Variants in SNX13 observed in about 807,000 individuals in gnomAD.
SNX13 encodes sorting nexin-13.
In SNX13, 45 loss-of-function variants were observed where a neutral mutation model predicts 133.6. The observed-to-expected ratio is 0.34, with a 90% CI of 0.27 to 0.43. The LOEUF (loss-of-function observed/expected upper bound fraction) is 0.43. SNX13 is among the 20% of genes least tolerant of loss of function. SNX13 has a pLI of 1.00. For synonymous variants in SNX13, 414 were observed against 373.9 expected (o/e 1.11, Z -1.24); for missense variants, 1,032 against 1,145.1 (o/e 0.90, Z 1.43).
chr7:17,858,137 C>A (rs918473033), intron 9 of SNX13, among the ~76,000 whole-genome samples: 2 of 152,060 alleles, frequency 1.3e-5, no homozygotes, highest in Admixed American at 1.3e-4. Context: ...ATGCCTACTC[C>A]TACAAATTTT....
intron 1 of SNX13, among the ~76,000 whole-genome samples, chr7:17,921,685 C>A (rs1554276911): frequency 6.6e-6 from 1 of 152,202 alleles, no homozygotes; most frequent in Non-Finnish European, 1.5e-5. Context: ...TAAAATCCCA[C>A]TACCCAGCTT....
At chr7:17,868,904 T>G (rs1441620897) in intron 8 of SNX13, among the ~76,000 whole-genome samples, 1 of 152,110 alleles carries the variant, frequency 6.6e-6, no homozygotes, top group East Asian at 1.9e-4. Context: ...AAACGGCAAC[T>G]ACAGTACATT....
chr7:17,837,206 G>T (rs79837959), intron 13 of SNX13, among the ~76,000 whole-genome samples: 221 of 152,056 alleles, frequency 1.5e-3, no homozygotes, highest in African/African-American at 5.3e-3. Flanking sequence ...TATGATCACG[G>T]TTCACTGCAG....
At chr7:17,845,731 T>C (rs1259183936) in intron 11 of SNX13, 37 bp from the exon 12 acceptor site, 2 of 1,341,640 alleles carry the variant, frequency 1.5e-6, no homozygotes, top group African/African-American at 1.5e-5. Flanking sequence ...ATATTTTATC[T>C]AATCATTCAT....
chr7:17,816,312 T>C (rs909380945), intron 18 of SNX13, 23 bp from the exon 19 acceptor site: 25 of 1,519,878 alleles, frequency 1.6e-5, no homozygotes, highest in African/African-American at 5.6e-5. Flanking sequence ...ATACATTCAA[T>C]AGCACTTTTT....
At chr7:17,827,551 T>A (rs1265689979) in intron 16 of SNX13, among the ~76,000 whole-genome samples, 1 of 151,944 alleles carries the variant, frequency 6.6e-6, no homozygotes, top group Non-Finnish European at 1.5e-5. Flanking sequence ...AGAAGCAAAA[T>A]GTGATAATTC....
chr7:17,803,664 C>T (rs1784876389), intron 20 of SNX13, 84 bp from the exon 21 acceptor site: 7 of 1,203,306 alleles, frequency 5.8e-6, no homozygotes, highest in Non-Finnish European at 8.0e-6. Flanking sequence ...ATATAGAGTG[C>T]AACACTGGAA....
At chr7:17,818,235 C>T (rs1461340705) in intron 18 of SNX13, among the ~76,000 whole-genome samples, 1 of 152,096 alleles carries the variant, frequency 6.6e-6, no homozygotes, top group Non-Finnish European at 1.5e-5. Flanking sequence ...TTGGGCCACC[C>T]GGTTGGTGGC....
intron 24 of SNX13, among the ~76,000 whole-genome samples, chr7:17,797,984 A>G (rs1320569371): frequency 6.6e-6 from 1 of 151,930 alleles, no homozygotes; most frequent in Non-Finnish European, 1.5e-5. Context: ...GCATACATAA[A>G]GTACTGTGCA....
In SNX13 at chr7:17,793,021, T is replaced by C. The variant is rs541992093; in HGVS notation, c.*1024A>G. On this transcript the variant is annotated 3_prime_UTR_variant, in exon 26 of 26. Transcript: ENST00000428135. ...ATCATTTATTTTCATATATGTACAC[T>C]GTCATAGAATTAGGAATCTGTATGT... The C allele has an allele frequency of 5.2e-5, 8 of 152,388 alleles. No individual in the cohort carries two copies. In the East Asian group the frequency reaches 1.4e-3, roughly 26 times the overall value. The allele number at this position is 152,388 out of a possible 1,614,324, so 9.4% of individuals were successfully genotyped here.
intron 20 of SNX13, among the ~76,000 whole-genome samples, chr7:17,806,832 C>T (rs1289444178): frequency 2.6e-5 from 4 of 152,170 alleles, no homozygotes; most frequent in African/African-American, 4.8e-5. Flanking sequence ...TGGGGCGTCG[C>T]GTCACGCGGG....
At chr7:17,854,278 G>T (rs1791611753) in intron 9 of SNX13, among the ~76,000 whole-genome samples, 1 of 152,210 alleles carries the variant, frequency 6.6e-6, no homozygotes, top group African/African-American at 2.4e-5. Flanking sequence ...TTCATATGAG[G>T]TGATAAAGTA....
At chr7:17,930,114 T>A (rs535080183) in intron 1 of SNX13, among the ~76,000 whole-genome samples, 102 of 34,474 alleles carry the variant, frequency 3.0e-3, no homozygotes, top group African/African-American at 9.1e-3. Flanking sequence ...GAATAAAGAA[T>A]AAAGAATAAG....
chr7:17,830,056 G>C lies in SNX13; in HGVS notation c.1598-9C>G. On this transcript the variant is annotated splice_polypyrimidine_tract_variant and intron_variant, in intron 15 of 25. Transcript: ENST00000428135. ...AGACCCATTAAAAGATTCTGCAGGG[G>C]GGAAATTCAACTTAGTATACAGCAA... 2.6e-6 allele frequency: 4 copies of C among 1,524,824 alleles called. No homozygotes were observed. 94.5% of individuals were successfully genotyped at this position (1,524,824 alleles called of 1,614,324 possible). A position where few individuals can be genotyped will look rare whatever the true frequency, so the allele number is the denominator to read the frequency against.
rs1783500878 is a variant in SNX13, at chr7:17,791,198, A to G, written c.*2847T>C. On this transcript the variant is annotated 3_prime_UTR_variant, in exon 26 of 26. Transcript: ENST00000428135. ...TCATTTATCTTACAATTACTCAAAT[A>G]CACATGCATTAAATGAAAATATTGC... 1 of 152,028 alleles carries G rather than the reference A, an allele frequency of 6.6e-6. No homozygotes were observed. The highest frequency in any genetic ancestry group is 1.5e-5 in the Non-Finnish European group (1 of 67,904). 9.4% of individuals were successfully genotyped at this position (152,028 alleles called of 1,614,324 possible).
chr7:17,886,910 T>G (rs984691906), intron 5 of SNX13, among the ~76,000 whole-genome samples: 1 of 151,922 alleles, frequency 6.6e-6, no homozygotes, highest in South Asian at 2.1e-4. Context: ...ACAGAAATGA[T>G]TGTTTTATTT....
At chr7:17,857,878 A>G (rs1215440161) in intron 9 of SNX13, among the ~76,000 whole-genome samples, 1 of 152,256 alleles carries the variant, frequency 6.6e-6, no homozygotes, top group African/African-American at 2.4e-5. Context: ...GGTTCAAGAT[A>G]TGAAAATCGA....
intron 18 of SNX13, among the ~76,000 whole-genome samples, chr7:17,819,658 A>G (rs1204979961): frequency 6.6e-6 from 1 of 152,210 alleles, no homozygotes; most frequent in Non-Finnish European, 1.5e-5. Context: ...CTGCTGAATT[A>G]CAAATCATTA....
intron 1 of SNX13, among the ~76,000 whole-genome samples, chr7:17,903,521 C>A (rs781764013): frequency 6.6e-6 from 1 of 152,124 alleles, no homozygotes; most frequent in Non-Finnish European, 1.5e-5. Context: ...GTTGTGTAAC[C>A]ACTACATGCC....
Sources: gnomAD v4.1 joint callset for allele counts (sites outside exome capture counted in the v4.1 genomes callset) on GRCh38, gnomAD v4.1.1 for gene constraint, MANE v1.5 for transcripts, NCBI Gene and HGNC (gene_info 2026-07-23, HGNC 2026-07-21) for gene names.